The following CYTH3 variants were observed in gnomAD, a reference collection of about 807,000 sequenced individuals.
The protein encoded by CYTH3 is cytohesin 3.
In CYTH3, 23 loss-of-function variants were observed where a neutral mutation model predicts 55.1. The observed-to-expected ratio is 0.42, with a 90% CI of 0.30 to 0.59. CYTH3 has a LOEUF of 0.59. Among genes scored for constraint, CYTH3 ranks in the 20% least tolerant of loss-of-function variants. The pLI is 0.20. For synonymous variants in CYTH3, 249 were observed against 194.9 expected (o/e 1.28, Z -2.31); for missense variants, 413 against 524.8 (o/e 0.79, Z 2.08).
intron 9 of CYTH3, among the ~76,000 whole-genome samples, chr7:6,166,366 C>A (rs1203602378): frequency 6.6e-6 from 1 of 152,250 alleles, no homozygotes; most frequent in Non-Finnish European, 1.5e-5. Flanking sequence ...TGAGCAGAGA[C>A]AAACTGACTT....
chr7:6,218,192 A>G (rs960367292), intron 1 of CYTH3, among the ~76,000 whole-genome samples: 42 of 152,152 alleles, frequency 2.8e-4, no homozygotes, highest in African/African-American at 9.7e-4. Context: ...GAAAAGAAAA[A>G]GCATCTTCAA....
intron 1 of CYTH3, among the ~76,000 whole-genome samples, chr7:6,258,033 T>C (rs1275212452): frequency 1.3e-5 from 2 of 152,172 alleles, no homozygotes; most frequent in East Asian, 1.9e-4. Flanking sequence ...CTGGGCACGG[T>C]GGCTCACTCC....
chr7:6,268,199 C>T (rs922349793), intron 1 of CYTH3, among the ~76,000 whole-genome samples: 4 of 152,130 alleles, frequency 2.6e-5, no homozygotes. Flanking sequence ...GACAGGGTCT[C>T]ACTCTGTTGC....
At chr7:6,182,757 A>T (rs1783540277) in intron 4 of CYTH3, among the ~76,000 whole-genome samples, 1 of 151,830 alleles carries the variant, frequency 6.6e-6, no homozygotes, top group Non-Finnish European at 1.5e-5. Context: ...TGATCCTCCC[A>T]CCTAGACCTT....
intron 5 of CYTH3, among the ~76,000 whole-genome samples, chr7:6,174,160 C>A (rs1376340103): frequency 1.3e-5 from 2 of 151,978 alleles, no homozygotes; most frequent in African/African-American, 4.8e-5. Flanking sequence ...GTGGCCCAGA[C>A]TGGAATACAA....
chr7:6,221,518 C>T lies in CYTH3; in HGVS notation c.35-30987G>A, dbSNP rs553022608. ...TTGCAGCGGTGGCTACATCAATCTA[C>T]GCATGGGTGATGACACAAAACTATA... On this transcript the variant is annotated intron_variant, in intron 1 of 12. Transcript: ENST00000350796. 2.5e-4 allele frequency among the ~76,000 whole-genome samples: 38 copies of T among 152,174 alleles called. 1 individual carries two copies. The highest frequency in any genetic ancestry group is 1.7e-3 in the Admixed American group (26 of 15,278).
At chr7:6,218,169 C>G (rs1399526658) in intron 1 of CYTH3, among the ~76,000 whole-genome samples, 1 of 151,974 alleles carries the variant, frequency 6.6e-6, no homozygotes, top group Non-Finnish European at 1.5e-5. Flanking sequence ...AGAGCCAGAC[C>G]CTATCTCAAA....
At chr7:6,251,681 TAATA>T (rs1779975677) in intron 1 of CYTH3, among the ~76,000 whole-genome samples, 1 of 152,198 alleles carries the variant, frequency 6.6e-6, no homozygotes, top group African/African-American at 2.4e-5. Flanking sequence ...TTGTGCTGAA[TAATA>T]AATATGTTTA....
intron 9 of CYTH3, among the ~76,000 whole-genome samples, chr7:6,166,734 C>T (rs1482652921): frequency 4.6e-5 from 7 of 152,140 alleles, no homozygotes; most frequent in Admixed American, 4.6e-4. Context: ...AACTGGAGGC[C>T]GGAAGCGGGT....
chr7:6,257,169 G>C (rs73675899), intron 1 of CYTH3, among the ~76,000 whole-genome samples: 6 of 152,144 alleles, frequency 3.9e-5, no homozygotes, highest in African/African-American at 1.2e-4. Flanking sequence ...CATGCTCTCA[G>C]AAGTGTGGTC....
chr7:6,252,970 C>T (rs1456538849), intron 1 of CYTH3, among the ~76,000 whole-genome samples: 1 of 152,164 alleles, frequency 6.6e-6, no homozygotes, highest in African/African-American at 2.4e-5. Flanking sequence ...ACACACATTC[C>T]ACTGACATCT....
intron 1 of CYTH3, among the ~76,000 whole-genome samples, chr7:6,258,217 GT>G (rs1229495930): frequency 6.6e-6 from 1 of 151,744 alleles, no homozygotes; most frequent in African/African-American, 2.4e-5. Flanking sequence ...AGAGGCTGAG[GT>G]GGGGGGATCA....
At chr7:6,194,161 C>T (rs528048943) in intron 1 of CYTH3, among the ~76,000 whole-genome samples, 3 of 152,160 alleles carry the variant, frequency 2.0e-5, no homozygotes, top group Admixed American at 2.0e-4. Flanking sequence ...CCGAAACAGA[C>T]ACAAAAAAGC....
At chr7:6,235,381 G>A (rs1779493035) in intron 1 of CYTH3, among the ~76,000 whole-genome samples, 1 of 151,564 alleles carries the variant, frequency 6.6e-6, no homozygotes, top group Non-Finnish European at 1.5e-5. Context: ...GGAGGCTGAG[G>A]CAAGAGAATC....
At chr7:6,256,040 G>T (rs1583201346) in intron 1 of CYTH3, among the ~76,000 whole-genome samples, 1 of 152,162 alleles carries the variant, frequency 6.6e-6, no homozygotes, top group African/African-American at 2.4e-5. Flanking sequence ...TGGGATTACA[G>T]GCATGAGCCA....
At chr7:6,232,914 G>A (rs1740870801) in intron 1 of CYTH3, among the ~76,000 whole-genome samples, 2 of 151,996 alleles carry the variant, frequency 1.3e-5, no homozygotes, top group South Asian at 4.2e-4. Flanking sequence ...CTTAGCCATG[G>A]TATTTGGTAC....
intron 1 of CYTH3, among the ~76,000 whole-genome samples, chr7:6,251,061 G>A (rs557706221): frequency 4.6e-5 from 7 of 152,342 alleles, no homozygotes; most frequent in Non-Finnish European, 8.8e-5. Context: ...GGTGGACTGA[G>A]GTCAGGAGTT....
intron 1 of CYTH3, among the ~76,000 whole-genome samples, chr7:6,264,970 A>G (rs748763326): frequency 1.1e-4 from 16 of 152,202 alleles, no homozygotes; most frequent in Non-Finnish European, 2.1e-4. Flanking sequence ...GTCAAGGAAG[A>G]CTTCTGTGAT....
intron 1 of CYTH3, among the ~76,000 whole-genome samples, chr7:6,220,186 C>T (rs895696286): frequency 7.2e-5 from 11 of 152,116 alleles, no homozygotes; most frequent in South Asian, 2.1e-4. Context: ...GGTGAGCCAC[C>T]GCGCCTGGCC....
Sources: gnomAD v4.1 joint callset for allele counts (sites outside exome capture counted in the v4.1 genomes callset) on GRCh38, gnomAD v4.1.1 for gene constraint, MANE v1.5 for transcripts, NCBI Gene and HGNC (gene_info 2026-07-23, HGNC 2026-07-21) for gene names.